Variants in TRAF3IP3 observed in about 807,000 individuals in gnomAD.
TRAF3IP3 encodes TRAF3-interacting JNK-activating modulator.
A neutral mutation model predicts 86.5 loss-of-function variants in TRAF3IP3; 64 were observed. That is an observed-to-expected ratio of 0.74 (90% confidence interval 0.60 to 0.91). The LOEUF is 0.91. Ranked by LOEUF, TRAF3IP3 falls within the 40% of genes least tolerant of loss-of-function variation. The pLI is 0.00. For synonymous variants in TRAF3IP3, 220 were observed against 243.9 expected (o/e 0.90, Z 0.91); for missense variants, 579 against 642.9 (o/e 0.90, Z 1.07).
chr1:209,762,619 T>A lies in TRAF3IP3; in HGVS notation c.450T>A (p.Pro150=), dbSNP rs148515427. The change falls in exon 4 of 17, where the codon CCT becomes CCA. Residue 150 remains proline (P), a synonymous_variant. Coordinates refer to ENST00000367025, the MANE Select transcript of TRAF3IP3 (RefSeq NM_025228.4). ...TCTCCTCACAGGCTGGGGGCCTTCCTCCACAGGACACTCCCATCAAGAAGC... is the reference window on the plus strand; with the variant it reads ...TCTCCTCACAGGCTGGGGGCCTTCCACCACAGGACACTCCCATCAAGAAGC... ...DHLSSQAGGL[P]PQDTPIKKPP... 4.6e-5 allele frequency: 69 copies of A among 1,506,884 alleles called. No homozygotes were observed. The African/African-American group carries it at 1.0e-3, about 22-fold the overall frequency. The allele number at this position is 1,506,884 out of a possible 1,614,324, so 93.3% of individuals were successfully genotyped here.
intron 8 of TRAF3IP3, among the ~76,000 whole-genome samples, chr1:209,769,602 A>C (rs2077424446): frequency 6.6e-6 from 1 of 152,248 alleles, no homozygotes; most frequent in African/African-American, 2.4e-5. Flanking sequence ...AGAATAAGCC[A>C]AACAAGATCA....
In TRAF3IP3 at chr1:209,775,413, A is replaced by G; in HGVS notation, c.839A>G (p.Glu280Gly). Residue 280 changes from glutamate to glycine, a missense_variant, in exon 10 of 17, where the codon GAG becomes GGG. Transcript: ENST00000367025. ...ATGGAAGACCAGAAAAACAGCTATG[A>G]GCAGAAGGCCAAGGAGTCACTGCAG... is the stretch of plus-strand genomic sequence containing the variant. ...LEMEDQKNSY[E>G]QKAKESLQKV... 6.8e-6 allele frequency: 11 copies of G among 1,614,196 alleles called. No homozygotes were observed. Among genetic ancestry groups the G allele is most frequent in the Non-Finnish European group, 8.5e-6 (10 of 1,180,016 alleles).
chr1:209,771,310 GGT>G (rs369877272), intron 8 of TRAF3IP3, among the ~76,000 whole-genome samples: 96 of 142,874 alleles, frequency 6.7e-4, no homozygotes, highest in South Asian at 2.5e-3. Flanking sequence ...TGCATGTGAA[GGT>G]GTGTGTGTGC....
intron 3 of TRAF3IP3, among the ~76,000 whole-genome samples, chr1:209,760,942 TTAAAAA>T (rs1232151081): frequency 2.6e-5 from 4 of 152,100 alleles, no homozygotes; most frequent in African/African-American, 9.7e-5. Context: ...TCTAAAAAAC[TTAAAAA>T]TAAAATAAAT....
chr1:209,772,812 G>C (rs1480684129), intron 8 of TRAF3IP3, 136 bp from the exon 9 acceptor site: 3 of 706,426 alleles, frequency 4.2e-6, no homozygotes, highest in Admixed American at 2.6e-5. Flanking sequence ...TGTCATCTTT[G>C]CTCCTGCCTG....
intron 8 of TRAF3IP3, among the ~76,000 whole-genome samples, chr1:209,771,378 T>C (rs1020424658): frequency 2.1e-5 from 2 of 95,910 alleles, no homozygotes; most frequent in Non-Finnish European, 2.5e-5. Context: ...GAGGTGTGTG[T>C]GCAGGTGGAA....
intron 5 of TRAF3IP3, 32 bp downstream of exon 5, chr1:209,762,902 C>T (rs373637578): frequency 1.9e-6 from 3 of 1,613,054 alleles, no homozygotes; most frequent in Middle Eastern, 1.6e-4. Flanking sequence ...TCTCACATCC[C>T]ATCCATTCCT....
intron 6 of TRAF3IP3, 74 bp downstream of exon 6, chr1:209,763,166 A>G: frequency 6.4e-7 from 1 of 1,552,262 alleles, no homozygotes; most frequent in Non-Finnish European, 8.9e-7. Context: ...TCCATGATAA[A>G]CTTGGCTGGG....
intron 9 of TRAF3IP3, among the ~76,000 whole-genome samples, chr1:209,774,252 G>C (rs554895984): frequency 3.2e-4 from 48 of 152,314 alleles, no homozygotes; most frequent in African/African-American, 1.1e-3. Context: ...TAATGCAAAT[G>C]TATTAATTTT....
chr1:209,774,391 T>C (rs1247763835), intron 9 of TRAF3IP3, among the ~76,000 whole-genome samples: 1 of 152,146 alleles, frequency 6.6e-6, no homozygotes, highest in African/African-American at 2.4e-5. Context: ...TAGAGTAGAA[T>C]AATAGAGGCA....
chr1:209,778,231 C>A, intron 13 of TRAF3IP3, 58 bp downstream of exon 13: 6 of 1,464,244 alleles, frequency 4.1e-6, no homozygotes, highest in Non-Finnish European at 5.7e-6. Flanking sequence ...TCCTGGCCCA[C>A]AAAAGGCACC....
intron 8 of TRAF3IP3, among the ~76,000 whole-genome samples, chr1:209,770,801 A>G (rs137879384): frequency 1.1e-5 from 1 of 89,742 alleles, no homozygotes; most frequent in Admixed American, 1.4e-4. Flanking sequence ...GTGCATATGG[A>G]GGTGTGTGTG....
chr1:209,781,843 C>A, intron 16 of TRAF3IP3: 2 of 570,056 alleles, frequency 3.5e-6, no homozygotes, highest in East Asian at 2.9e-5. Flanking sequence ...TATATCTGGT[C>A]CCTGATGGAT....
At position 209,762,826 on chromosome 1, in the gene TRAF3IP3, G is replaced by C. The variant is rs1366526238; in HGVS notation, c.507G>C (p.Lys169Asn). 30 of 1,614,058 alleles carry C rather than the reference G, an allele frequency of 1.9e-5. No homozygotes were observed. Among genetic ancestry groups the C allele is most frequent in the Non-Finnish European group, 2.4e-5 (28 of 1,180,038 alleles). Residue 169 changes from lysine to asparagine, a missense_variant, in exon 5 of 17, where the codon AAG becomes AAC. Coordinates refer to ENST00000367025, the MANE Select transcript of TRAF3IP3 (RefSeq NM_025228.4). ...TCCATCTCTCAGGTACTCAGACAAA[G>C]GCAGAAGGACCAACAATTAAGAACG... is the stretch of plus-strand genomic sequence containing the variant. ...PPKHHRGTQT[K>N]AEGPTIKNDA...
intron 8 of TRAF3IP3, among the ~76,000 whole-genome samples, chr1:209,771,445 GTGTGTGTGCATGTGAA>G (rs2077518787): frequency 6.4e-5 from 3 of 46,738 alleles, no homozygotes; most frequent in African/African-American, 1.9e-4. Context: ...GCATGTGGAG[GTGTGTGTGCATGTGAA>G]GGTGTGCGTG....
rs1427672533 is a variant in TRAF3IP3, at chr1:209,780,489, G to A, written c.1332G>A (p.Trp444Ter). The stretch of plus-strand genomic sequence containing the variant: ...TTTTAGATCAGGCTTTGCCCGTGTG[G>A]AGTCCAAAGTCCTTCCCTAACGAAG... ...LTKKDQALPV[W>*]SPKSFPNEVE... The change falls in exon 15 of 17, where the codon TGG (tryptophan) becomes TGA (stop). Residue 444 changes from tryptophan to a stop codon, truncating the protein, a stop_gained. Transcript: ENST00000367025. LOFTEE classifies it high-confidence loss of function. 1.9e-6 allele frequency: 3 copies of A among 1,594,782 alleles called. No individual in the cohort carries two copies. The highest frequency in any genetic ancestry group is 2.6e-6 in the Non-Finnish European group (3 of 1,169,692).
rs1558013372 is a variant in TRAF3IP3 at position 209,765,290 on chromosome 1, A to AAGGAAGG, written c.702+1704_702+1705insGGAAGGA. 5.7e-5 allele frequency among the ~76,000 whole-genome samples: 5 copies of AAGGAAGG among 87,954 alleles called. No homozygotes were observed. In the East Asian group the frequency reaches 1.6e-3, roughly 28 times the overall value. 57.7% of individuals were successfully genotyped at this position (87,954 alleles called of 152,430 possible). A position where few individuals can be genotyped will look rare whatever the true frequency, so the allele number is the denominator to read the frequency against. On this transcript the variant is annotated intron_variant, in intron 8 of 16. Transcript: ENST00000367025. ...GGAAGGAAGGAAGGAAGGAAGGAAG[A>AAGGAAGG]AATTAAGATAGAAATTGAGAAAGAA...
chr1:209,760,166 C>T lies in TRAF3IP3; in HGVS notation c.127C>T (p.Arg43Cys), dbSNP rs766710339. 1.9e-5 allele frequency: 30 copies of T among 1,614,106 alleles called. No homozygotes were observed. The highest frequency in any genetic ancestry group is 3.3e-5 in the South Asian group (3 of 91,094). ...RRCRPNVTTC[R>C]QVGKTLRIQQ... ...CTGCCGTCCCAATGTGACCACTTGC[C>T]GCCAGGTGGGGAAGACGCTGAGGAT... is the stretch of plus-strand genomic sequence containing the variant. Residue 43 changes from arginine (R) to cysteine (C), a missense_variant, in exon 3 of 17, where the codon CGC (arginine) becomes TGC (cysteine). By Grantham distance (180) the Arg-to-Cys change is radical. Coordinates refer to ENST00000367025, the MANE Select transcript of TRAF3IP3 (RefSeq NM_025228.4).
intron 8 of TRAF3IP3, among the ~76,000 whole-genome samples, chr1:209,766,790 G>A (rs995266256): frequency 1.3e-5 from 2 of 152,236 alleles, no homozygotes; most frequent in African/African-American, 4.8e-5. Flanking sequence ...CTTGAACCCA[G>A]GAGGTGGAGG....
Sources: allele counts gnomAD v4.1 joint callset (sites outside exome capture counted in the v4.1 genomes callset), GRCh38; gene constraint gnomAD v4.1.1; transcripts MANE v1.5; gene names NCBI Gene and HGNC (gene_info 2026-07-23, HGNC 2026-07-21).